Variants in ASTN2 observed in about 807,000 individuals in gnomAD.
The protein encoded by ASTN2 is astrotactin-2.
Under a neutral mutation model 139.8 loss-of-function variants are expected in ASTN2, and 54 were observed. The ratio of observed to expected loss-of-function variants is 0.39; its 90% confidence interval spans 0.31 to 0.48. ASTN2 has a LOEUF of 0.48. Ranked by LOEUF, ASTN2 falls within the 20% of genes least tolerant of loss-of-function variation. The pLI is 0.95. For synonymous variants in ASTN2, 756 were observed against 719.5 expected (o/e 1.05, Z -0.81); for missense variants, 1,565 against 1,725.1 (o/e 0.91, Z 1.64).
intron 19 of ASTN2, chr9:116,585,945 A>T (rs894091154): frequency 2.6e-5 from 4 of 152,190 alleles, no homozygotes; most frequent in African/African-American, 7.2e-5. Context: ...TAAGAAACTT[A>T]ATAAGCAAAA....
intron 20 of ASTN2, among the ~76,000 whole-genome samples, chr9:116,450,332 T>C (rs67417397): frequency 1.1e-5 from 1 of 87,146 alleles, no homozygotes; most frequent in African/African-American, 3.6e-5. Context: ...GCCTACTGAC[T>C]CCAATGTAGA....
intron 11 of ASTN2, among the ~76,000 whole-genome samples, chr9:116,829,349 G>A (rs889367462): frequency 6.6e-6 from 1 of 150,536 alleles, no homozygotes; most frequent in Non-Finnish European, 1.5e-5. Flanking sequence ...CAGAAATAAA[G>A]CCACATACCT....
intron 13 of ASTN2, among the ~76,000 whole-genome samples, chr9:116,738,479 A>G (rs867295760): frequency 8.4e-5 from 12 of 142,656 alleles, no homozygotes; most frequent in South Asian, 2.2e-4. Flanking sequence ...ATCTCAGAAG[A>G]AAAAAAAAAA....
intron 4 of ASTN2, among the ~76,000 whole-genome samples, chr9:117,133,524 T>C (rs1174738952): frequency 6.6e-6 from 1 of 152,166 alleles, no homozygotes; most frequent in Non-Finnish European, 1.5e-5. Flanking sequence ...GTTTGATTAA[T>C]TGTCCATTAA....
chr9:116,482,231 CAGG>C (rs1849191982), intron 20 of ASTN2, among the ~76,000 whole-genome samples: 1 of 152,080 alleles, frequency 6.6e-6, no homozygotes, highest in African/African-American at 2.4e-5. Context: ...GAGGCTGAGG[CAGG>C]AGAATGGCGT....
rs184604597 is a variant in ASTN2 at position 116,849,397 on chromosome 9, T to C, written c.2040+14186A>G. 2.6e-4 allele frequency among the ~76,000 whole-genome samples: 39 copies of C among 152,310 alleles called. 1 individual carries two copies. Among genetic ancestry groups the C allele is most frequent in the African/African-American group, 8.4e-4 (35 of 41,576 alleles). ...CACCCTGAAGCTACCTAAGGGTGGA[T>C]AGCCATCAGTCAACTCATTAGTATA... is the stretch of plus-strand genomic sequence containing the variant. On this transcript the variant is annotated intron_variant, in intron 11 of 22. Transcript: ENST00000313400.
chr9:116,590,419 T>C (rs1442793082), intron 19 of ASTN2, among the ~76,000 whole-genome samples: 4 of 152,236 alleles, frequency 2.6e-5, no homozygotes, highest in African/African-American at 4.8e-5. Flanking sequence ...CAGCCCCCTG[T>C]TGCCTTGGCC....
At chr9:116,574,009 G>A (rs977483154) in intron 19 of ASTN2, among the ~76,000 whole-genome samples, 1 of 152,220 alleles carries the variant, frequency 6.6e-6, no homozygotes, top group Non-Finnish European at 1.5e-5. Context: ...TGAGAGGACT[G>A]AGTGAGACCT....
chr9:117,133,366 G>A (rs1202003286), intron 4 of ASTN2, among the ~76,000 whole-genome samples: 3 of 152,190 alleles, frequency 2.0e-5, no homozygotes, highest in African/African-American at 7.2e-5. Context: ...ATTTCCCAAA[G>A]TTGAGCCAGT....
intron 5 of ASTN2, among the ~76,000 whole-genome samples, chr9:117,057,575 T>G (rs1839098798): frequency 6.6e-6 from 1 of 152,208 alleles, no homozygotes; most frequent in Non-Finnish European, 1.5e-5. Flanking sequence ...TCTATGTATA[T>G]ATGTGAAGAT....
chr9:117,360,954 CATT>C (rs1206393876), intron 1 of ASTN2, among the ~76,000 whole-genome samples: 2 of 151,952 alleles, frequency 1.3e-5, no homozygotes, highest in Non-Finnish European at 2.9e-5. Context: ...GAATTGGTGA[CATT>C]ATTTATTTCT....
chr9:116,620,541 T>C, intron 17 of ASTN2, 98 bp from the exon 18 acceptor site: 4 of 1,467,550 alleles, frequency 2.7e-6, no homozygotes, highest in Admixed American at 3.4e-5. Context: ...TCGAGGGCTT[T>C]AGAGTAGCCC....
chr9:117,086,406 C>T (rs961255131), intron 5 of ASTN2, among the ~76,000 whole-genome samples: 42 of 152,142 alleles, frequency 2.8e-4, no homozygotes, highest in Non-Finnish European at 3.1e-4. Context: ...AACCCCATCT[C>T]TACTAAAAAT....
intron 6 of ASTN2, among the ~76,000 whole-genome samples, chr9:117,016,584 T>C (rs1215590581): frequency 1.0e-5 from 1 of 98,592 alleles, no homozygotes; most frequent in Non-Finnish European, 2.0e-5. Flanking sequence ...TTTGGGGTAT[T>C]CTAGGTTTTA....
intron 10 of ASTN2, among the ~76,000 whole-genome samples, chr9:116,939,099 T>C (rs940197778): frequency 6.6e-6 from 1 of 152,196 alleles, no homozygotes; most frequent in Non-Finnish European, 1.5e-5. Context: ...GGTGGGCCAG[T>C]CATGGGTTCA....
chr9:117,375,814 G>A (rs1014337541), intron 1 of ASTN2, among the ~76,000 whole-genome samples: 1 of 152,116 alleles, frequency 6.6e-6, no homozygotes, highest in Non-Finnish European at 1.5e-5. Flanking sequence ...CAAAATCAAG[G>A]TGTCAGCAGG....
chr9:116,835,142 G>C (rs1831944492), intron 11 of ASTN2, among the ~76,000 whole-genome samples: 1 of 152,002 alleles, frequency 6.6e-6, no homozygotes, highest in African/African-American at 2.4e-5. Context: ...TTCAACTCCA[G>C]GTCTTAATTA....
At chr9:116,517,513 G>A (rs756004225) in intron 19 of ASTN2, among the ~76,000 whole-genome samples, 3 of 152,170 alleles carry the variant, frequency 2.0e-5, no homozygotes, top group Non-Finnish European at 4.4e-5. Context: ...AGTGGCCCTT[G>A]AATCCCAGAT....
At chr9:117,146,012 T>C (rs1264482310) in intron 3 of ASTN2, among the ~76,000 whole-genome samples, 1 of 152,130 alleles carries the variant, frequency 6.6e-6, no homozygotes, top group African/African-American at 2.4e-5. Context: ...ATCCCATCCA[T>C]CTGTTTGGCT....
Sources: gnomAD v4.1 joint callset for allele counts (sites outside exome capture counted in the v4.1 genomes callset) on GRCh38, gnomAD v4.1.1 for gene constraint, MANE v1.5 for transcripts, NCBI Gene and HGNC (gene_info 2026-07-23, HGNC 2026-07-21) for gene names.